NKAIN2: variants seen among roughly 807,000 people sequenced by gnomAD.
NKAIN2 encodes sodium/potassium-transporting ATPase subunit beta-1-interacting protein 2.
A neutral mutation model predicts 32.6 loss-of-function variants in NKAIN2; 14 were observed. The ratio of observed to expected loss-of-function variants is 0.43; its 90% CI spans 0.28 to 0.67. The LOEUF (loss-of-function observed/expected upper bound fraction) is 0.67, where lower values mean the gene tolerates loss of function less well. Ranked by LOEUF, NKAIN2 falls within the 30% of genes least tolerant of loss-of-function variation. The pLI, the probability that NKAIN2 is intolerant of heterozygous loss-of-function variation, is 0.17. For synonymous variants in NKAIN2, 80 were observed against 87.2 expected, an observed-to-expected ratio of 0.92 and a Z score of 0.46; for missense variants, 198 against 258.3, an observed-to-expected ratio of 0.77 and a Z score of 1.60.
At chr6:124,332,672 T>C (rs1797712733) in intron 2 of NKAIN2, among the ~76,000 whole-genome samples, 1 of 152,234 alleles carries the variant, frequency 6.6e-6, no homozygotes, top group African/African-American at 2.4e-5. Context: ...CCAGTGCTGA[T>C]ACTTTTGTTT....
At chr6:124,541,850 A>G (rs1779924309) in intron 3 of NKAIN2, among the ~76,000 whole-genome samples, 1 of 152,148 alleles carries the variant, frequency 6.6e-6, no homozygotes, top group Non-Finnish European at 1.5e-5. Flanking sequence ...TGATCAGTGT[A>G]TTGGTACATT....
intron 2 of NKAIN2, among the ~76,000 whole-genome samples, chr6:124,346,139 C>T (rs1241723914): frequency 1.3e-5 from 2 of 152,188 alleles, no homozygotes; most frequent in East Asian, 3.9e-4. Flanking sequence ...TGTAGTTGAG[C>T]AGTTTTGAGT....
intron 1 of NKAIN2, among the ~76,000 whole-genome samples, chr6:124,037,767 T>C (rs73561068): frequency 0.12 from 18,928 of 152,072 alleles, 3,606 homozygotes; most frequent in African/African-American, 0.41. Flanking sequence ...TAGCTATGGA[T>C]CCTTGAAATT....
intron 3 of NKAIN2, among the ~76,000 whole-genome samples, chr6:124,545,643 T>A (rs927510193): frequency 6.6e-6 from 1 of 151,290 alleles, no homozygotes; most frequent in Non-Finnish European, 1.5e-5. Context: ...TAGGAATATA[T>A]ATATATGTAT....
chr6:124,058,211 T>G (rs948298071), intron 1 of NKAIN2, among the ~76,000 whole-genome samples: 61 of 151,292 alleles, frequency 4.0e-4, no homozygotes, highest in African/African-American at 1.2e-3. Context: ...TTTGTTTTTT[T>G]TTTTTTTTTC....
At chr6:124,340,170 T>C (rs928841831) in intron 2 of NKAIN2, among the ~76,000 whole-genome samples, 4 of 152,180 alleles carry the variant, frequency 2.6e-5, no homozygotes, top group Admixed American at 1.3e-4. Flanking sequence ...ATGCCACTTC[T>C]AAAAACAAGT....
chr6:124,510,485 G>C (rs1371245165), intron 3 of NKAIN2, among the ~76,000 whole-genome samples: 1 of 152,128 alleles, frequency 6.6e-6, no homozygotes, highest in African/African-American at 2.4e-5. Context: ...ATAAATGTTA[G>C]TAAGTTACTT....
chr6:124,351,596 CTATTT>C (rs1223467344), intron 2 of NKAIN2, among the ~76,000 whole-genome samples: 1 of 150,672 alleles, frequency 6.6e-6, no homozygotes, highest in Non-Finnish European at 1.5e-5. Context: ...AGGATTACTG[CTATTT>C]TATTTATTTA....
intron 1 of NKAIN2, among the ~76,000 whole-genome samples, chr6:123,867,285 T>C (rs1022598270): frequency 6.6e-6 from 1 of 152,236 alleles, no homozygotes; most frequent in Admixed American, 6.5e-5. Context: ...TAGCCACTTA[T>C]GCCATTAAGA....
intron 2 of NKAIN2, among the ~76,000 whole-genome samples, chr6:124,286,758 T>A (rs1185649130): frequency 1.3e-5 from 2 of 151,474 alleles, no homozygotes; most frequent in Admixed American, 6.6e-5. Flanking sequence ...CTCCGCTCAC[T>A]GCAAACTCCA....
chr6:124,208,774 T>G lies in NKAIN2; in HGVS notation c.55-74231T>G, dbSNP rs1024660277. On this transcript the variant is annotated intron_variant, in intron 1 of 6. Transcript: ENST00000368417. Reference sequence around the variant, plus strand: ...TCAATGCATGCAGAAAAATATTTATTTATTTAATTATTTTGTTTTTCTATG... The same window carrying G: ...TCAATGCATGCAGAAAAATATTTATGTATTTAATTATTTTGTTTTTCTATG... Among the ~76,000 whole-genome samples, 23 of 151,496 alleles carry G rather than the reference T, an allele frequency of 1.5e-4. 1 individual carries two copies. Among genetic ancestry groups the G allele is most frequent in the African/African-American group, 5.3e-4 (22 of 41,444 alleles).
At chr6:124,286,428 C>A (rs1008194688) in intron 2 of NKAIN2, among the ~76,000 whole-genome samples, 2 of 151,946 alleles carry the variant, frequency 1.3e-5, no homozygotes, top group Non-Finnish European at 2.9e-5. Flanking sequence ...TTAATAATAA[C>A]CTATCCAAAA....
Position 123,969,314 on chromosome 6 carries a change from G to A in NKAIN2, c.54+165060G>A, listed in dbSNP as rs529192147. On this transcript the variant is annotated intron_variant, in intron 1 of 6. Coordinates refer to ENST00000368417, the MANE Select transcript of NKAIN2 (RefSeq NM_001040214.3). ...AAACATATATTTTTATAAGGAATAAGGATGGAGTTAAAAAGGTCTGTTGAA... is the reference window on the plus strand; with the variant it reads ...AAACATATATTTTTATAAGGAATAAAGATGGAGTTAAAAAGGTCTGTTGAA... 2.6e-5 allele frequency among the ~76,000 whole-genome samples: 4 copies of A among 152,168 alleles called. No homozygotes were observed. The East Asian group carries it at 7.7e-4, about 29-fold the overall frequency.
At chr6:124,007,851 A>C (rs932949074) in intron 1 of NKAIN2, among the ~76,000 whole-genome samples, 4 of 152,196 alleles carry the variant, frequency 2.6e-5, no homozygotes, top group Non-Finnish European at 4.4e-5. Flanking sequence ...CTTTTCAGGA[A>C]TGTGTCCATT....
chr6:124,748,657 T>C (rs1485520382), intron 4 of NKAIN2, among the ~76,000 whole-genome samples: 1 of 151,912 alleles, frequency 6.6e-6, no homozygotes, highest in Non-Finnish European at 1.5e-5. Context: ...AATTTCAACA[T>C]AAAGCGCAGA....
intron 1 of NKAIN2, among the ~76,000 whole-genome samples, chr6:124,062,943 C>T (rs1782984215): frequency 6.6e-6 from 1 of 151,894 alleles, no homozygotes; most frequent in Non-Finnish European, 1.5e-5. Context: ...GCCTGTAATC[C>T]CAGCAATTTG....
At chr6:123,911,041 A>C (rs1393872360) in intron 1 of NKAIN2, among the ~76,000 whole-genome samples, 1 of 152,070 alleles carries the variant, frequency 6.6e-6, no homozygotes, top group Non-Finnish European at 1.5e-5. Flanking sequence ...TATTCACCTG[A>C]AATGTTGATC....
chr6:124,808,812 A>G (rs1582561557), intron 5 of NKAIN2, among the ~76,000 whole-genome samples: 1 of 152,322 alleles, frequency 6.6e-6, no homozygotes, highest in East Asian at 1.9e-4. Context: ...AATGTACAAA[A>G]TCACAAGCAT....
chr6:124,290,840 A>G (rs1795776948), intron 2 of NKAIN2, among the ~76,000 whole-genome samples: 1 of 151,762 alleles, frequency 6.6e-6, no homozygotes, highest in Non-Finnish European at 1.5e-5. Context: ...CAGTCCGTTT[A>G]TATTTGACCA....
Sources: allele counts gnomAD v4.1 joint callset (sites outside exome capture counted in the v4.1 genomes callset), GRCh38; gene constraint gnomAD v4.1.1; transcripts MANE v1.5; gene names NCBI Gene and HGNC (gene_info 2026-07-23, HGNC 2026-07-21).